SPMIP4: variants seen among roughly 807,000 people sequenced by gnomAD.
SPMIP4 encodes sperm-associated microtubule inner protein 4.
At chr7:25,169,986 C>A in the SPMIP4 span, among the ~76,000 whole-genome samples, 1 of 152,130 alleles carries the variant, frequency 6.6e-6, no homozygotes, top group Non-Finnish European at 1.5e-5. Flanking sequence ...TTTTAACTCT[C>A]GTGAATAATA....
chr7:25,175,861 G>T, the SPMIP4 span, among the ~76,000 whole-genome samples: 1 of 152,144 alleles, frequency 6.6e-6, no homozygotes, highest in African/African-American at 2.4e-5. Context: ...GTCCAGAGCC[G>T]TTCCATCACT....
the SPMIP4 span, among the ~76,000 whole-genome samples, chr7:25,177,719 AAAG>A: frequency 2.6e-4 from 39 of 152,360 alleles, no homozygotes; most frequent in African/African-American, 7.7e-4. Flanking sequence ...ATGAGGATTA[AAAG>A]AATTACTACA....
chr7:25,128,557 A>G, the SPMIP4 span, among the ~76,000 whole-genome samples: 1 of 152,182 alleles, frequency 6.6e-6, no homozygotes, highest in East Asian at 1.9e-4. The surrounding 1 kb of genome is among the most constrained non-coding windows in gnomAD (Gnocchi z 4.5). Context: ...TCAGCTTGTG[A>G]TAAATGCTAT....
chr7:25,142,834 A>G, the SPMIP4 span: 1 of 1,480,796 alleles, frequency 6.8e-7, no homozygotes, highest in Non-Finnish European at 9.0e-7. Flanking sequence ...GAACATAAAG[A>G]TTACTGCTGT....
At chr7:25,133,433 A>C in the SPMIP4 span, among the ~76,000 whole-genome samples, 4 of 152,338 alleles carry the variant, frequency 2.6e-5, no homozygotes, top group African/African-American at 9.6e-5. Flanking sequence ...AGCATTACAC[A>C]TGCTTATGTT....
chr7:25,136,706 C>G, the SPMIP4 span: 1 of 1,614,106 alleles, frequency 6.2e-7, no homozygotes, highest in Non-Finnish European at 8.5e-7. This position sits in a 1 kb window ranked among gnomAD's most constrained non-coding sequence, Gnocchi z 5.7. Flanking sequence ...TGGACTATAG[C>G]CTCCAGAGAA....
the SPMIP4 span, among the ~76,000 whole-genome samples, chr7:25,138,193 C>T: frequency 6.6e-6 from 1 of 152,102 alleles, no homozygotes; most frequent in South Asian, 2.1e-4. This position sits in a 1 kb window ranked among gnomAD's most constrained non-coding sequence, Gnocchi z 6.2. Context: ...TGTTCTTAAT[C>T]AATCTAACTA....
At chr7:25,173,413 T>C in the SPMIP4 span, among the ~76,000 whole-genome samples, 1 of 152,356 alleles carries the variant, frequency 6.6e-6, no homozygotes, top group African/African-American at 2.4e-5. The surrounding 1 kb of genome is among the most constrained non-coding windows in gnomAD (Gnocchi z 4.4). Flanking sequence ...ATGGACTATA[T>C]ACATACGGTC....
At chr7:25,137,338 CCTTT>C in the SPMIP4 span, among the ~76,000 whole-genome samples, 1 of 144,742 alleles carries the variant, frequency 6.9e-6, no homozygotes, top group African/African-American at 2.6e-5. Flanking sequence ...TTTTTTCTTT[CCTTT>C]CTCTTTGGTT....
chr7:25,128,146 G>C, the SPMIP4 span, among the ~76,000 whole-genome samples: 9 of 152,214 alleles, frequency 5.9e-5, no homozygotes, highest in Non-Finnish European at 1.2e-4. This position sits in a 1 kb window ranked among gnomAD's most constrained non-coding sequence, Gnocchi z 4.5. Context: ...TGTGCTAGGA[G>C]AGACCTGATG....
chr7:25,142,527 T>C, the SPMIP4 span: 1 of 999,934 alleles, frequency 1.0e-6, no homozygotes, highest in African/African-American at 1.7e-5. Flanking sequence ...TACTTTAGGA[T>C]TTAAATACTT....
the SPMIP4 span, among the ~76,000 whole-genome samples, chr7:25,171,644 T>A: frequency 6.6e-6 from 1 of 152,178 alleles, no homozygotes; most frequent in Non-Finnish European, 1.5e-5. Flanking sequence ...AAGTGCTACA[T>A]AGAGGGTAAA....
the SPMIP4 span, chr7:25,142,526 A>T: frequency 3.0e-6 from 3 of 993,486 alleles, no homozygotes; most frequent in South Asian, 1.7e-5. Context: ...ATACTTTAGG[A>T]TTTAAATACT....
chr7:25,161,200 TC>T, the SPMIP4 span: 1 of 1,551,698 alleles, frequency 6.4e-7, no homozygotes, highest in African/African-American at 1.4e-5. Context: ...AAGAATCATT[TC>T]CATAGACATC....
chr7:25,158,029 T>C, the SPMIP4 span, among the ~76,000 whole-genome samples: 2 of 152,182 alleles, frequency 1.3e-5, no homozygotes, highest in African/African-American at 4.8e-5. Context: ...GAAATCAAAG[T>C]AATGTTACCC....
the SPMIP4 span, chr7:25,142,830 A>G: frequency 6.7e-6 from 10 of 1,491,324 alleles, no homozygotes; most frequent in Non-Finnish European, 8.9e-6. Context: ...ATATGAACAT[A>G]AAGATTACTG....
chr7:25,135,293 G>T, the SPMIP4 span: 1 of 980,596 alleles, frequency 1.0e-6, no homozygotes. Context: ...CTGCATAAAA[G>T]AAACAGTTAT....
the SPMIP4 span, chr7:25,151,649 T>C: frequency 5.6e-6 from 9 of 1,611,386 alleles, no homozygotes; most frequent in African/African-American, 8.0e-5. Flanking sequence ...TTTGAATCCA[T>C]GGGAATATCA....
At chr7:25,154,946 T>A in the SPMIP4 span, 1 of 1,476,160 alleles carries the variant, frequency 6.8e-7, no homozygotes, top group South Asian at 1.2e-5. Context: ...CTTGCTTTAA[T>A]TTTATTATTG....
Sources: allele counts gnomAD v4.1 joint callset (sites outside exome capture counted in the v4.1 genomes callset), GRCh38; gene constraint gnomAD v4.1.1; non-coding constraint Gnocchi (gnomAD v3.1); transcripts MANE v1.5; gene names NCBI Gene and HGNC (gene_info 2026-07-23, HGNC 2026-07-21).